NXPE2: variants seen among roughly 807,000 people sequenced by gnomAD.
NXPE2 encodes NXPE family member 2.
A neutral mutation model predicts 34.4 loss-of-function variants in NXPE2; 34 were observed. That is an observed-to-expected ratio of 0.99 (90% CI 0.75 to 1.31). NXPE2 has a LOEUF of 1.31. NXPE2 is among the 40% of genes most tolerant of loss of function. NXPE2 has a pLI of 0.00. For missense variants in NXPE2, 649 were observed against 672.5 expected (o/e 0.97, Z 0.39); for synonymous variants, 235 against 231.3 (o/e 1.02, Z -0.15).
At chr11:114,489,262 C>T in the NXPE2 span, among the ~76,000 whole-genome samples, 2 of 152,168 alleles carry the variant, frequency 1.3e-5, no homozygotes, top group Admixed American at 6.5e-5. Flanking sequence ...GGATTCACAG[C>T]CGAATTCTAC....
intron 4 of NXPE2, 73 bp downstream of exon 4, chr11:114,704,125 T>C: frequency 9.3e-7 from 1 of 1,078,824 alleles, no homozygotes; most frequent in Non-Finnish European, 1.4e-6. Flanking sequence ...TTAGAGATAT[T>C]TATTCCACAT....
At chr11:114,682,847 G>T (rs1423069259) in intron 2 of NXPE2, among the ~76,000 whole-genome samples, 4 of 134,820 alleles carry the variant, frequency 3.0e-5, no homozygotes, top group Non-Finnish European at 4.8e-5. Context: ...AACCTGAGGA[G>T]GAAAAAAAAA....
the NXPE2 span, among the ~76,000 whole-genome samples, chr11:114,602,688 TATCTC>T: frequency 7.1e-6 from 1 of 140,292 alleles, no homozygotes; most frequent in South Asian, 2.3e-4. Flanking sequence ...ATGTAATAAT[TATCTC>T]ATATATAATA....
At chr11:114,654,730 T>C in the NXPE2 span, among the ~76,000 whole-genome samples, 3 of 152,218 alleles carry the variant, frequency 2.0e-5, no homozygotes, top group African/African-American at 7.2e-5. Flanking sequence ...CTGATGGACA[T>C]TTGACTTGGT....
intron 2 of NXPE2, among the ~76,000 whole-genome samples, chr11:114,685,148 A>G (rs1273852793): frequency 1.3e-5 from 2 of 152,208 alleles, no homozygotes; most frequent in Admixed American, 1.3e-4. Context: ...CCCTTAATAT[A>G]TATAAATCTT....
the NXPE2 span, among the ~76,000 whole-genome samples, chr11:114,630,454 A>G: frequency 1.6e-4 from 24 of 151,828 alleles, 2 homozygotes; most frequent in African/African-American, 5.8e-4. Flanking sequence ...TGGTGCTGGG[A>G]AAACTGGCTA....
chr11:114,622,663 C>T, the NXPE2 span, among the ~76,000 whole-genome samples: 2 of 151,912 alleles, frequency 1.3e-5, no homozygotes, highest in Non-Finnish European at 2.9e-5. Context: ...CCAGTGTTAC[C>T]CGGTGGATAA....
chr11:114,696,656 C>T (rs1475846769), intron 2 of NXPE2, among the ~76,000 whole-genome samples: 1 of 151,978 alleles, frequency 6.6e-6, no homozygotes, highest in Non-Finnish European at 1.5e-5. Flanking sequence ...AAGCATATAT[C>T]AATAAAAAGA....
the NXPE2 span, among the ~76,000 whole-genome samples, chr11:114,609,518 C>T: frequency 1.4e-3 from 213 of 151,934 alleles, 2 homozygotes; most frequent in Non-Finnish European, 2.2e-3. Flanking sequence ...ATAAGTACTG[C>T]TTCGTGGGTA....
rs1951291729 is a variant in NXPE2, at chr11:114,698,056, C to T, written c.144C>T (p.Asn48=). 1 of 1,508,656 alleles carries T rather than the reference C, an allele frequency of 6.6e-7. No individual in the cohort carries two copies. Among genetic ancestry groups the T allele is most frequent in the African/African-American group, 1.4e-5 (1 of 71,512 alleles). 93.5% of individuals were successfully genotyped at this position (1,508,656 alleles called of 1,614,324 possible). Reference sequence around the variant, plus strand: ...TTTCAATATTTCAGTTCTCGTTCAACTTGGAAAACCATATTATCCTGAACC... The same window carrying T: ...TTTCAATATTTCAGTTCTCGTTCAATTTGGAAAACCATATTATCCTGAACC... ...ASKDHTKFSF[N]LENHIILNQG... is the part of the protein sequence containing the mutation. Residue 48 remains asparagine (N), a synonymous_variant, in exon 3 of 6, where the codon AAC becomes AAT. Coordinates refer to ENST00000389586, the MANE Select transcript of NXPE2 (RefSeq NM_182495.6).
the NXPE2 span, among the ~76,000 whole-genome samples, chr11:114,606,906 C>T: frequency 3.3e-5 from 5 of 151,366 alleles, no homozygotes; most frequent in East Asian, 2.0e-4. Context: ...CACTGTTACC[C>T]GGTGGATAAT....
chr11:114,535,425 A>G, the NXPE2 span, among the ~76,000 whole-genome samples: 1 of 152,356 alleles, frequency 6.6e-6, no homozygotes, highest in South Asian at 2.1e-4. Flanking sequence ...AAATTCACAC[A>G]TAACAATACT....
the NXPE2 span, among the ~76,000 whole-genome samples, chr11:114,648,517 G>C: frequency 1.1e-3 from 162 of 152,222 alleles, no homozygotes; most frequent in African/African-American, 3.8e-3. Context: ...TAATTTAAAC[G>C]TTAATCTACC....
the NXPE2 span, chr11:114,528,866 T>A: frequency 1.5e-6 from 1 of 645,312 alleles, no homozygotes. Flanking sequence ...GTTTTCATCC[T>A]TACTAGGATT....
chr11:114,484,319 G>T, the NXPE2 span, among the ~76,000 whole-genome samples: 43 of 152,084 alleles, frequency 2.8e-4, no homozygotes, highest in Non-Finnish European at 5.4e-4. Flanking sequence ...AAACTATCTG[G>T]GGTATTTTTA....
the NXPE2 span, among the ~76,000 whole-genome samples, chr11:114,601,741 T>TTATAATA: frequency 1.4e-5 from 1 of 71,192 alleles, no homozygotes; most frequent in East Asian, 4.5e-4. Flanking sequence ...TTATATATAA[T>TTATAATA]TATAATATAT....
At chr11:114,789,553 C>CA in the NXPE2 span, among the ~76,000 whole-genome samples, 1 of 152,160 alleles carries the variant, frequency 6.6e-6, no homozygotes, top group Non-Finnish European at 1.5e-5. Flanking sequence ...GTTTAATCCT[C>CA]ATTTACTGAT....
the NXPE2 span, among the ~76,000 whole-genome samples, chr11:114,732,952 T>C: frequency 1.3e-5 from 2 of 152,216 alleles, no homozygotes; most frequent in African/African-American, 4.8e-5. Context: ...ATTCACATGA[T>C]ATTCCATTAT....
At chr11:114,654,310 G>A in the NXPE2 span, among the ~76,000 whole-genome samples, 2 of 151,862 alleles carry the variant, frequency 1.3e-5, no homozygotes, top group Non-Finnish European at 2.9e-5. Context: ...CCGGATCTCA[G>A]GAAAGTTGTT....
Sources: allele counts gnomAD v4.1 joint callset (sites outside exome capture counted in the v4.1 genomes callset), GRCh38; gene constraint gnomAD v4.1.1; transcripts MANE v1.5; gene names NCBI Gene and HGNC (gene_info 2026-07-23, HGNC 2026-07-21).